The following CYP2C19 variants were observed in gnomAD, a reference collection of about 807,000 sequenced individuals.
CYP2C19 encodes cytochrome P450 2C19.
Under a neutral mutation model 40.9 loss-of-function variants are expected in CYP2C19, and 59 were observed. That is an observed-to-expected ratio of 1.44 (90% CI 1.17 to 1.79). CYP2C19 has a LOEUF of 1.79. Among genes scored for constraint, CYP2C19 ranks in the 40% most tolerant of loss-of-function variants. CYP2C19 has a pLI of 0.00. For missense variants in CYP2C19, 754 were observed against 596.9 expected, an observed-to-expected ratio of 1.26 and a Z score of -2.74; for synonymous variants, 253 against 208.7, an observed-to-expected ratio of 1.21 and a Z score of -1.83.
chr10:94,826,700 A>G (rs1798750593), intron 6 of CYP2C19, among the ~76,000 whole-genome samples: 1 of 152,190 alleles, frequency 6.6e-6, no homozygotes, highest in South Asian at 2.1e-4. Context: ...ACTATGTTGA[A>G]TAGGAGTGGC....
chr10:94,848,909 A>T (rs1388206284), intron 7 of CYP2C19, among the ~76,000 whole-genome samples: 2 of 152,020 alleles, frequency 1.3e-5, no homozygotes, highest in Non-Finnish European at 1.5e-5. Context: ...AATGCTTGTG[A>T]TTTTTGTCCA....
chr10:94,813,796 G>A (rs1848961395), intron 5 of CYP2C19, among the ~76,000 whole-genome samples: 1 of 150,962 alleles, frequency 6.6e-6, no homozygotes, highest in Non-Finnish European at 1.5e-5. Context: ...GGACTGAATG[G>A]TTCTGACTTG....
chr10:94,780,073 T>A (rs1456780403), intron 3 of CYP2C19, among the ~76,000 whole-genome samples: 3 of 152,196 alleles, frequency 2.0e-5, no homozygotes, highest in Non-Finnish European at 4.4e-5. Context: ...GTTCAATACA[T>A]GATTCTTTGA....
rs180981922 is a variant in CYP2C19, at chr10:94,813,630, A to C, written c.820-6866A>C. ...CCTCAACAATGGCAGACTCCCCTCA[A>C]CACCCCCCCCAAGCTCGAACATCCC... On this transcript the variant is annotated intron_variant, in intron 5 of 8. Transcript: ENST00000371321. Among the ~76,000 whole-genome samples the C allele has an allele frequency of 1.6e-3, 241 of 151,110 alleles. 1 individual carries two copies. Among genetic ancestry groups the C allele is most frequent in the Non-Finnish European group, 2.7e-3 (186 of 67,878 alleles).
chr10:94,772,216 A>G (rs1300215495), intron 1 of CYP2C19, among the ~76,000 whole-genome samples: 2 of 151,980 alleles, frequency 1.3e-5, no homozygotes, highest in African/African-American at 4.8e-5. Context: ...CCCATATCCT[A>G]GCTTCAGGAA....
At chr10:94,832,793 G>C (rs1849353455) in intron 6 of CYP2C19, among the ~76,000 whole-genome samples, 1 of 151,836 alleles carries the variant, frequency 6.6e-6, no homozygotes, top group Non-Finnish European at 1.5e-5. Context: ...TTCTATTTCT[G>C]TGAAGAATGT....
chr10:94,843,488 C>A (rs1849526159), intron 7 of CYP2C19, among the ~76,000 whole-genome samples: 1 of 152,116 alleles, frequency 6.6e-6, no homozygotes, highest in Non-Finnish European at 1.5e-5. Context: ...TCATGGCTTG[C>A]AAGTCTTTGG....
intron 3 of CYP2C19, among the ~76,000 whole-genome samples, chr10:94,779,465 G>A (rs932882126): frequency 6.6e-6 from 1 of 151,486 alleles, no homozygotes; most frequent in African/African-American, 2.4e-5. Flanking sequence ...AGAGATGATG[G>A]GCATTTAATT....
At chr10:94,785,565 T>C (rs972452306) in intron 5 of CYP2C19, among the ~76,000 whole-genome samples, 1 of 152,182 alleles carries the variant, frequency 6.6e-6, no homozygotes, top group African/African-American at 2.4e-5. Context: ...TATTATACTT[T>C]GTAGTAAGTT....
intron 1 of CYP2C19, among the ~76,000 whole-genome samples, chr10:94,765,478 G>T (rs1448407319): frequency 6.6e-6 from 1 of 152,126 alleles, no homozygotes; most frequent in Admixed American, 6.5e-5. Context: ...TACTCCTAGA[G>T]TACTTGCCAA....
intron 3 of CYP2C19, among the ~76,000 whole-genome samples, chr10:94,778,545 C>T (rs982683610): frequency 1.3e-5 from 2 of 152,110 alleles, no homozygotes; most frequent in Non-Finnish European, 2.9e-5. Flanking sequence ...TTAGAGAATG[C>T]AAATCAAAAC....
intron 6 of CYP2C19, among the ~76,000 whole-genome samples, chr10:94,832,389 C>G (rs1223630682): frequency 6.6e-6 from 1 of 152,128 alleles, no homozygotes; most frequent in Non-Finnish European, 1.5e-5. Context: ...TTTATAAAAC[C>G]ATCAGATCTT....
chr10:94,790,291 A>G (rs1848589260), intron 5 of CYP2C19, among the ~76,000 whole-genome samples: 1 of 152,134 alleles, frequency 6.6e-6, no homozygotes, highest in Admixed American at 6.5e-5. Context: ...TCATCTACAA[A>G]CAGGAACAAT....
At chr10:94,811,423 T>A (rs1848921553) in intron 5 of CYP2C19, among the ~76,000 whole-genome samples, 2 of 152,156 alleles carry the variant, frequency 1.3e-5, no homozygotes, top group Admixed American at 6.5e-5. Context: ...TTAGTTCAAG[T>A]CCTGGAGATC....
chr10:94,831,065 C>T (rs1849327451), intron 6 of CYP2C19, among the ~76,000 whole-genome samples: 1 of 152,192 alleles, frequency 6.6e-6, no homozygotes, highest in Non-Finnish European at 1.5e-5. Context: ...TCCTTCTACA[C>T]TTTATGTCCA....
intron 5 of CYP2C19, among the ~76,000 whole-genome samples, chr10:94,817,819 C>G (rs1024335089): frequency 2.0e-5 from 3 of 151,936 alleles, no homozygotes; most frequent in Admixed American, 6.5e-5. Context: ...CGAGACCATC[C>G]TGGCTAAAAC....
intron 6 of CYP2C19, among the ~76,000 whole-genome samples, chr10:94,833,030 T>C (rs1849355734): frequency 6.6e-6 from 1 of 152,210 alleles, no homozygotes; most frequent in Non-Finnish European, 1.5e-5. Context: ...CTATTTTAAA[T>C]GGGATTACAT....
chr10:94,847,582 G>T (rs1189229318), intron 7 of CYP2C19, among the ~76,000 whole-genome samples: 1 of 152,066 alleles, frequency 6.6e-6, no homozygotes, highest in East Asian at 1.9e-4. Context: ...TAATCCTTTG[G>T]GTATATACCC....
chr10:94,829,132 A>G (rs1380490977), intron 6 of CYP2C19, among the ~76,000 whole-genome samples: 2 of 152,026 alleles, frequency 1.3e-5, no homozygotes, highest in African/African-American at 4.8e-5. Flanking sequence ...GAAACTGACA[A>G]TTATGTGTCT....
Sources: gnomAD v4.1 joint callset for allele counts (sites outside exome capture counted in the v4.1 genomes callset) on GRCh38, gnomAD v4.1.1 for gene constraint, MANE v1.5 for transcripts, NCBI Gene and HGNC (gene_info 2026-07-23, HGNC 2026-07-21) for gene names.